PPP1R12B: variants seen among roughly 807,000 people sequenced by gnomAD.
PPP1R12B encodes the protein protein phosphatase 1 regulatory subunit 12B, also known as myosin phosphatase target subunit 2.
PPP1R12B carries 76 observed loss-of-function variants against 126.1 expected under a neutral mutation model. The ratio of observed to expected loss-of-function variants is 0.60; its 90% confidence interval spans 0.50 to 0.73. The LOEUF (loss-of-function observed/expected upper bound fraction) is 0.73. Among genes scored for constraint, PPP1R12B ranks in the 30% least tolerant of loss-of-function variants. The pLI, the probability that PPP1R12B is intolerant of heterozygous loss-of-function variation, is 0.00. For missense variants in PPP1R12B, 1,052 were observed against 1,205.1 expected, an observed-to-expected ratio of 0.87 and a Z score of 1.88; for synonymous variants, 356 against 434.7, an observed-to-expected ratio of 0.82 and a Z score of 2.25.
chr1:202,569,190 A>T lies in PPP1R12B; in HGVS notation c.2855A>T (p.Glu952Val). The T allele has an allele frequency of 6.2e-7, 1 of 1,613,210 alleles. No homozygotes were observed. The highest frequency in any genetic ancestry group is 8.5e-7 in the Non-Finnish European group (1 of 1,179,198). Residue 952 changes from glutamate (E) to valine (V), a missense_variant, in exon 23 of 24, where the codon GAA (glutamate) becomes GTA (valine). Transcript: ENST00000608999. ...LERKMSEMEE[E>V]MKVLTELKSD... ...CGCAAAATGTCAGAAATGGAGGAAG[A>T]AATGAAGGTATGAAGAGATTTTCTT...
chr1:202,535,842 T>G (rs1487742083), intron 18 of PPP1R12B, among the ~76,000 whole-genome samples: 1 of 152,212 alleles, frequency 6.6e-6, no homozygotes, highest in Admixed American at 6.5e-5. Flanking sequence ...AAATGCTTGT[T>G]GGCTGGGTTG....
intron 18 of PPP1R12B, among the ~76,000 whole-genome samples, chr1:202,542,640 A>G (rs1170060638): frequency 6.6e-6 from 1 of 152,182 alleles, no homozygotes; most frequent in Admixed American, 6.5e-5. Flanking sequence ...AGGCCAAGGG[A>G]GGGAATTGGC....
Position 202,495,455 on chromosome 1 carries a change from A to G in PPP1R12B, c.2308A>G (p.Thr770Ala). The change falls in exon 16 of 24, where the codon ACA becomes GCA. Residue 770 changes from threonine to alanine, a missense_variant. Physicochemically the swap from Thr to Ala is moderately conservative, Grantham distance 58 (BLOSUM62 0). Coordinates refer to ENST00000608999, the MANE Select transcript of PPP1R12B (RefSeq NM_002481.4). ...SESSETTTNT[T>A]TAKEMDKNEN... The stretch of plus-strand genomic sequence containing the variant: ...GAGTTCAGAGACTACCACAAACACT[A>G]CAACTGCAAAGGAAATGGACAAAAA... The G allele has an allele frequency of 1.2e-6, 2 of 1,607,762 alleles. No individual in the cohort carries two copies. Among genetic ancestry groups the G allele is most frequent in the Non-Finnish European group, 1.7e-6 (2 of 1,176,936 alleles).
At chr1:202,389,243 A>G (rs560238570) in intron 1 of PPP1R12B, among the ~76,000 whole-genome samples, 59 of 152,362 alleles carry the variant, frequency 3.9e-4, no homozygotes, top group African/African-American at 1.4e-3. Flanking sequence ...CTTTTCTATG[A>G]CAAAAAACAT....
intron 13 of PPP1R12B, among the ~76,000 whole-genome samples, chr1:202,456,757 A>C (rs1238994577): frequency 6.6e-6 from 1 of 152,220 alleles, no homozygotes; most frequent in African/African-American, 2.4e-5. Context: ...CCCAAAAGTC[A>C]AGGATTTAAT....
In PPP1R12B at chr1:202,495,468, A is replaced by T; in HGVS notation, c.2321A>T (p.Glu774Val). The T allele has an allele frequency of 6.2e-7, 1 of 1,606,438 alleles. No individual in the cohort carries two copies. Residue 774 changes from glutamate to valine, a missense_variant, in exon 16 of 24, where the codon GAA becomes GTA. Coordinates refer to ENST00000608999, the MANE Select transcript of PPP1R12B (RefSeq NM_002481.4). Reference protein sequence around the residue: ...ETTTNTTTAKEMDKNENEEAD... With the variant: ...ETTTNTTTAKVMDKNENEEAD... ...ACCACAAACACTACAACTGCAAAGG[A>T]AATGGACAAAAATGGTATGTAGAAC...
At chr1:202,494,582 TAAA>T (rs35373351) in intron 15 of PPP1R12B, among the ~76,000 whole-genome samples, 28 of 127,646 alleles carry the variant, frequency 2.2e-4, no homozygotes, top group Admixed American at 3.1e-4. Context: ...TTCTCAGGTT[TAAA>T]AAAAAAAAAA....
chr1:202,358,606 C>A (rs530078368), intron 1 of PPP1R12B, among the ~76,000 whole-genome samples: 1 of 150,862 alleles, frequency 6.6e-6, no homozygotes, highest in Admixed American at 6.6e-5. Flanking sequence ...CACTTGAACC[C>A]GGGAGGTGGA....
intron 1 of PPP1R12B, among the ~76,000 whole-genome samples, chr1:202,405,192 C>T (rs929327280): frequency 6.6e-6 from 1 of 152,150 alleles, no homozygotes; most frequent in African/African-American, 2.4e-5. Context: ...ACTTGATGGA[C>T]CCTCAGCAGC....
chr1:202,521,975 T>C (rs1194451584), intron 18 of PPP1R12B, among the ~76,000 whole-genome samples: 1 of 152,168 alleles, frequency 6.6e-6, no homozygotes, highest in Non-Finnish European at 1.5e-5. Context: ...GAAAAAATTC[T>C]GAATAATGGA....
chr1:202,348,816 T>C lies in PPP1R12B; in HGVS notation c.-36T>C. The C allele has an allele frequency of 6.3e-7, 1 of 1,586,712 alleles. No individual in the cohort carries two copies. Among genetic ancestry groups the C allele is most frequent in the Non-Finnish European group, 8.5e-7 (1 of 1,170,084 alleles). On this transcript the variant is annotated 5_prime_UTR_variant, in exon 1 of 24. Transcript: ENST00000608999. Reference sequence around the variant, plus strand: ...CTCGAGCCCCAACAGTAATTTAGTGTTGGTAGTTTTGGCAGCAGCTGCCGA... The same window carrying C: ...CTCGAGCCCCAACAGTAATTTAGTGCTGGTAGTTTTGGCAGCAGCTGCCGA...
At chr1:202,433,432 C>T (rs1670425936) in intron 8 of PPP1R12B, among the ~76,000 whole-genome samples, 1 of 152,308 alleles carries the variant, frequency 6.6e-6, no homozygotes, top group African/African-American at 2.4e-5. Flanking sequence ...TGCTACACCT[C>T]TGTTTAAACC....
intron 13 of PPP1R12B, among the ~76,000 whole-genome samples, chr1:202,456,142 G>C (rs999098999): frequency 2.6e-5 from 4 of 151,856 alleles, no homozygotes; most frequent in African/African-American, 9.7e-5. Flanking sequence ...GGTGATGCAC[G>C]CCTGTAATCC....
chr1:202,428,107 C>T (rs550793165), intron 5 of PPP1R12B, among the ~76,000 whole-genome samples: 4 of 151,638 alleles, frequency 2.6e-5, no homozygotes, highest in Admixed American at 1.3e-4. Context: ...TGGTGTTTCT[C>T]GTTATGTGTC....
intron 10 of PPP1R12B, chr1:202,439,474 G>T: frequency 6.8e-7 from 1 of 1,478,196 alleles, no homozygotes. Context: ...CCCGGCAAGG[G>T]TGCCTGGTCC....
chr1:202,563,653 A>AATC (rs1687757315), intron 20 of PPP1R12B, among the ~76,000 whole-genome samples: 1 of 151,934 alleles, frequency 6.6e-6, no homozygotes, highest in Non-Finnish European at 1.5e-5. Context: ...AAGAAAAGAA[A>AATC]ATCATCATCA....
intron 13 of PPP1R12B, among the ~76,000 whole-genome samples, chr1:202,458,066 TG>T (rs1429651773): frequency 6.6e-6 from 1 of 151,780 alleles, no homozygotes; most frequent in African/African-American, 2.4e-5. Flanking sequence ...GAGTGGGACA[TG>T]GGAGTGGTTA....
intron 7 of PPP1R12B, among the ~76,000 whole-genome samples, 165 bp downstream of exon 7, chr1:202,430,975 T>C (rs1319541318): frequency 1.3e-5 from 2 of 152,208 alleles, no homozygotes; most frequent in African/African-American, 4.8e-5. Flanking sequence ...GAGAGTGGCA[T>C]TGATATGTGA....
Position 202,349,052 on chromosome 1 carries a change from T to C in PPP1R12B, c.201T>C (p.Ser67=). The C allele has an allele frequency of 6.2e-7, 1 of 1,613,976 alleles. No homozygotes were observed. Among genetic ancestry groups the C allele is most frequent in the Non-Finnish European group, 8.5e-7 (1 of 1,179,970 alleles). The change falls in exon 1 of 24, where the codon TCT becomes TCC. Residue 67 remains serine, a synonymous_variant. Coordinates refer to ENST00000608999, the MANE Select transcript of PPP1R12B (RefSeq NM_002481.4). ...EDGAVFLAAC[S]SGDTDEVRKL... ...GTGCTGTCTTTCTGGCCGCCTGCTC[T>C]AGCGGGGACACCGACGAGGTGAGAA...
Sources: gnomAD v4.1 joint callset for allele counts (sites outside exome capture counted in the v4.1 genomes callset) on GRCh38, gnomAD v4.1.1 for gene constraint, MANE v1.5 for transcripts, NCBI Gene and HGNC (gene_info 2026-07-23, HGNC 2026-07-21) for gene names.